The following ABLIM1 variants were observed in gnomAD, a reference collection of about 807,000 sequenced individuals.
ABLIM1 encodes actin-binding LIM protein 1.
Under a neutral mutation model 107.0 loss-of-function variants are expected in ABLIM1, and 40 were observed. The observed-to-expected ratio is 0.37, with a 90% confidence interval of 0.29 to 0.49. The LOEUF is 0.49. Ranked by LOEUF, ABLIM1 falls within the 20% of genes least tolerant of loss-of-function variation. ABLIM1 has a pLI of 0.97. For missense variants in ABLIM1, 857 were observed against 1,008.5 expected (o/e 0.85, Z 2.04); for synonymous variants, 357 against 357.3 (o/e 1.00, Z 0.01).
intron 1 of ABLIM1, among the ~76,000 whole-genome samples, chr10:114,726,580 A>T (rs1194982424): frequency 9.1e-6 from 1 of 109,524 alleles, no homozygotes. Flanking sequence ...CAGGAGTCCC[A>T]GACCAGCCTG....
intron 1 of ABLIM1, among the ~76,000 whole-genome samples, chr10:114,726,376 G>A (rs949952500): frequency 6.6e-6 from 1 of 152,112 alleles, no homozygotes; most frequent in African/African-American, 2.4e-5. Flanking sequence ...TATACAGGAA[G>A]CATAGCGGCA....
chr10:114,438,044 CGAGTGAT>C, intron 21 of ABLIM1, 120 bp from the exon 22 acceptor site: 1 of 908,226 alleles, frequency 1.1e-6, no homozygotes, highest in Non-Finnish European at 1.7e-6. Context: ...TGACAGAATT[CGAGTGAT>C]GGGTCTTCCT....
intron 1 of ABLIM1, among the ~76,000 whole-genome samples, chr10:114,653,934 A>C (rs1467975220): frequency 2.6e-5 from 4 of 152,266 alleles, no homozygotes; most frequent in Non-Finnish European, 5.9e-5. Context: ...ACACATATGC[A>C]TGGGGACACT....
intron 2 of ABLIM1, among the ~76,000 whole-genome samples, chr10:114,581,950 T>G (rs2139223732): frequency 6.6e-6 from 1 of 152,104 alleles, no homozygotes; most frequent in Non-Finnish European, 1.5e-5. Context: ...AGCATTTCCA[T>G]TAAGAACTGG....
In ABLIM1 at chr10:114,720,441, A is replaced by C. The variant is rs143541914; in HGVS notation, c.-213+47620T>G. On this transcript the variant is annotated intron_variant, in intron 1 of 15. Transcript: ENST00000651092. ...ATTTCTGGTTCTAGGTCTTTGAGGAATCACCACACTGTCTTCCACAATGGT... is the reference window on the plus strand; with the variant it reads ...ATTTCTGGTTCTAGGTCTTTGAGGACTCACCACACTGTCTTCCACAATGGT... Among the ~76,000 whole-genome samples the C allele has an allele frequency of 6.0e-3, 908 of 152,324 alleles. 6 individuals carry two copies. The highest frequency in any genetic ancestry group is 0.021 in the African/African-American group (856 of 41,578).
intron 1 of ABLIM1, among the ~76,000 whole-genome samples, chr10:114,641,855 A>G (rs576044575): frequency 6.7e-6 from 1 of 149,554 alleles, no homozygotes; most frequent in Non-Finnish European, 1.5e-5. Flanking sequence ...GGTCATTGTA[A>G]AGGGCCTTGG....
intron 1 of ABLIM1, among the ~76,000 whole-genome samples, chr10:114,693,421 G>A (rs1010233326): frequency 2.5e-4 from 38 of 152,140 alleles, no homozygotes; most frequent in African/African-American, 8.9e-4. Context: ...GCCAAGGCAG[G>A]AGTGGACCAG....
chr10:114,630,945 T>G (rs907463679), intron 1 of ABLIM1, among the ~76,000 whole-genome samples: 47 of 152,342 alleles, frequency 3.1e-4, no homozygotes, highest in African/African-American at 1.1e-3. Context: ...ATTCAATTTT[T>G]ATATTCATAT....
At chr10:114,751,799 A>G (rs765629714) in intron 1 of ABLIM1, among the ~76,000 whole-genome samples, 51 of 152,070 alleles carry the variant, frequency 3.4e-4, no homozygotes, top group South Asian at 1.0e-3. Context: ...AAACGAACTC[A>G]TGCACAGGGG....
chr10:114,499,566 A>C (rs1339697402), intron 6 of ABLIM1, among the ~76,000 whole-genome samples: 1 of 152,176 alleles, frequency 6.6e-6, no homozygotes, highest in Non-Finnish European at 1.5e-5. Context: ...AACACCCAAG[A>C]AGCCTTTTAA....
chr10:114,720,574 AC>A (rs1374845309), intron 1 of ABLIM1, among the ~76,000 whole-genome samples: 1 of 152,178 alleles, frequency 6.6e-6, no homozygotes, highest in Non-Finnish European at 1.5e-5. Flanking sequence ...TAGGAGATCC[AC>A]AGGCTGCTTC....
intron 1 of ABLIM1, among the ~76,000 whole-genome samples, chr10:114,684,113 G>A (rs928842804): frequency 2.0e-5 from 3 of 152,070 alleles, no homozygotes; most frequent in Non-Finnish European, 2.9e-5. Context: ...AATAAGATGT[G>A]CATTTTATAC....
Position 114,432,867 on chromosome 10 carries a change from T to C in ABLIM1, c.*3393A>G, listed in dbSNP as rs3750820. 0.2 allele frequency: 30,862 copies of C among 152,144 alleles called. 4,370 individuals carry two copies. The highest frequency in any genetic ancestry group is 0.5 in the East Asian group (2,585 of 5,168). The allele number at this position is 152,144 out of a possible 1,614,324, so 9.4% of individuals were successfully genotyped here. ...GAACAGGAAGTTTATGTGAAGTTATTGAACACGTCATATTAAGAACATTTC... is the reference window on the plus strand; with the variant it reads ...GAACAGGAAGTTTATGTGAAGTTATCGAACACGTCATATTAAGAACATTTC... On this transcript the variant is annotated 3_prime_UTR_variant, in exon 23 of 23. Transcript: ENST00000533213.
intron 1 of ABLIM1, among the ~76,000 whole-genome samples, chr10:114,753,890 C>T (rs1232097748): frequency 3.3e-5 from 5 of 152,136 alleles, no homozygotes; most frequent in Admixed American, 6.6e-5. Flanking sequence ...CATGCTCTGT[C>T]GCCCAGGCTG....
intron 10 of ABLIM1, among the ~76,000 whole-genome samples, chr10:114,469,938 G>A (rs1188239528): frequency 6.6e-6 from 1 of 152,180 alleles, no homozygotes; most frequent in East Asian, 1.9e-4. Flanking sequence ...TGGGCGGACT[G>A]TCTGTATTCT....
intron 14 of ABLIM1, among the ~76,000 whole-genome samples, chr10:114,450,875 G>T (rs769336756): frequency 1.4e-4 from 21 of 152,126 alleles, no homozygotes; most frequent in Non-Finnish European, 2.1e-4. Context: ...TTTTCACAAA[G>T]ATTTATGGTC....
intron 13 of ABLIM1, 113 bp from the exon 14 acceptor site, chr10:114,451,784 A>G: frequency 1.1e-6 from 1 of 896,842 alleles, no homozygotes; most frequent in Non-Finnish European, 1.7e-6. Context: ...AACAACCCAG[A>G]AGGTTAATTT....
chr10:114,599,198 A>C (rs2075749996), intron 2 of ABLIM1, among the ~76,000 whole-genome samples: 1 of 152,246 alleles, frequency 6.6e-6, no homozygotes, highest in African/African-American at 2.4e-5. Flanking sequence ...AAATTGAAAA[A>C]TAATTCCTAC....
rs2077306600 is a variant in ABLIM1, at chr10:114,619,130, G to A, written c.245-17169C>T. ...CAACTCACCTTTTGGACATTCCTGA[G>A]GGAGGGGTGAACTCTCTCCAAAGCC... On this transcript the variant is annotated intron_variant, in intron 1 of 22. Transcript: ENST00000533213. The surrounding 1 kb of genome is among the most constrained non-coding windows in gnomAD (Gnocchi z 4.1). 6.6e-6 allele frequency among the ~76,000 whole-genome samples: 1 copy of A among 151,908 alleles called. No homozygotes were observed. The highest frequency in any genetic ancestry group is 2.4e-5 in the African/African-American group (1 of 41,368).
Sources: allele counts gnomAD v4.1 joint callset (sites outside exome capture counted in the v4.1 genomes callset), GRCh38; gene constraint gnomAD v4.1.1; non-coding constraint Gnocchi (gnomAD v3.1); transcripts MANE v1.5; gene names NCBI Gene and HGNC (gene_info 2026-07-23, HGNC 2026-07-21).